ZNF780A: variants seen among roughly 807,000 people sequenced by gnomAD.
The protein encoded by ZNF780A is zinc finger protein 780A.
In ZNF780A, 40 loss-of-function variants were observed where a neutral mutation model predicts 56.7. That is an observed-to-expected ratio of 0.71 (90% CI 0.55 to 0.92). The LOEUF is 0.92. Ranked by LOEUF, ZNF780A falls within the 40% of genes least tolerant of loss-of-function variation. The pLI, the probability that ZNF780A is intolerant of heterozygous loss-of-function variation, is 0.00. For synonymous variants in ZNF780A, 231 were observed against 248.3 expected (o/e 0.93, Z 0.66); for missense variants, 672 against 783.3 (o/e 0.86, Z 1.70).
chr19:40,078,697 A>G (rs1332471125), intron 5 of ZNF780A, among the ~76,000 whole-genome samples: 15 of 152,208 alleles, frequency 9.9e-5, no homozygotes, highest in Admixed American at 9.8e-4. Flanking sequence ...ATTATAAAAC[A>G]TAAATGAAGA....
downstream of ZNF780A, chr19:40,072,809 A>T (rs763003651): frequency 6.8e-7 from 1 of 1,479,850 alleles, no homozygotes; most frequent in Admixed American, 2.7e-5. Context: ...TAGCTTTACT[A>T]AGTGCCACTG....
chr19:40,081,349 A>C (rs1215534702), intron 5 of ZNF780A, among the ~76,000 whole-genome samples: 1 of 152,140 alleles, frequency 6.6e-6, no homozygotes, highest in Non-Finnish European at 1.5e-5. Context: ...CCTGGCCAAC[A>C]TGGTGAAACC....
intron 2 of ZNF780A, among the ~76,000 whole-genome samples, chr19:40,089,945 A>G (rs1975054812): frequency 6.6e-6 from 1 of 152,088 alleles, no homozygotes; most frequent in African/African-American, 2.4e-5. Flanking sequence ...CTTTAATATT[A>G]ACTACTGGAG....
chr19:40,081,463 A>T (rs1412587319), intron 5 of ZNF780A, among the ~76,000 whole-genome samples: 1 of 151,762 alleles, frequency 6.6e-6, no homozygotes, highest in Non-Finnish European at 1.5e-5. Flanking sequence ...AACCCAACAG[A>T]CAGAGGTTGC....
chr19:40,084,396 A>T (rs1854146050), intron 3 of ZNF780A, among the ~76,000 whole-genome samples: 3 of 152,174 alleles, frequency 2.0e-5, no homozygotes, highest in Admixed American at 2.0e-4. Flanking sequence ...TAAAGTTTCA[A>T]AGTGTTCCCA....
rs771227028 is a variant in ZNF780A at position 40,075,128 on chromosome 19, A to G, written c.1314T>C (p.Ile438=). ...ATACAAAAGGTTTCTCATTGGAATG[A>G]ATTTTCTGATGCTGAATAAGGTGTG... ...RGAHLIQHQK[I]HSNEKPFVCR... The change falls in exon 6 of 6, where the codon ATT becomes ATC. Residue 438 remains isoleucine, a synonymous_variant. Coordinates refer to ENST00000683561, the MANE Select transcript of ZNF780A (RefSeq NM_001142578.2). The G allele has an allele frequency of 8.7e-6, 14 of 1,613,730 alleles. No homozygotes were observed. Among genetic ancestry groups the G allele is most frequent in the African/African-American group, 1.3e-5 (1 of 74,812 alleles).
At position 40,073,218 on chromosome 19, in the gene ZNF780A, TTTGACTATTCTTTCA is replaced by T. The variant is rs1435306493; in HGVS notation, c.*1283_*1297del. 4.9e-6 allele frequency: 3 copies of T among 607,980 alleles called. No individual in the cohort carries two copies. The highest frequency in any genetic ancestry group is 6.8e-6 in the Non-Finnish European group (3 of 438,094). The allele number at this position is 607,980 out of a possible 1,614,324, so 37.7% of individuals were successfully genotyped here. On this transcript the variant is annotated 3_prime_UTR_variant, in exon 6 of 6. Coordinates refer to ENST00000683561, the MANE Select transcript of ZNF780A (RefSeq NM_001142578.2). ...CTAGGTTGGGGTATATGATTGTATATTTGACTATTCTTTCAAAACCCACAACAAGTATCAACTAGG... is the reference window on the plus strand; with the variant it reads ...CTAGGTTGGGGTATATGATTGTATATAAACCCACAACAAGTATCAACTAGG...
intron 5 of ZNF780A, among the ~76,000 whole-genome samples, chr19:40,079,397 G>A (rs916481629): frequency 6.6e-6 from 1 of 150,748 alleles, no homozygotes; most frequent in Non-Finnish European, 1.5e-5. Flanking sequence ...AATAATCATT[G>A]GGGATTTCAA....
rs551735451 is a variant in ZNF780A at position 40,084,796 on chromosome 19, C to A, written c.-43G>T. On this transcript the variant is annotated splice_region_variant and 5_prime_UTR_variant, in exon 3 of 6. Coordinates refer to ENST00000683561, the MANE Select transcript of ZNF780A (RefSeq NM_001142578.2). ...ACTGGTCAATCTTCCTCGGGCTTCT[C>A]CCCTGGAAAACAACAACAACAAAAA... 6.4e-7 allele frequency: 1 copy of A among 1,552,676 alleles called. No individual in the cohort carries two copies. Among genetic ancestry groups the A allele is most frequent in the East Asian group, 2.4e-5 (1 of 41,220 alleles).
chr19:40,077,788 C>T (rs747578413), intron 5 of ZNF780A, among the ~76,000 whole-genome samples: 17 of 151,630 alleles, frequency 1.1e-4, no homozygotes, highest in Non-Finnish European at 2.1e-4. Flanking sequence ...CGAAAATGCC[C>T]TATCCAACCC....
intron 5 of ZNF780A, among the ~76,000 whole-genome samples, chr19:40,081,566 A>G (rs1337242945): frequency 2.0e-5 from 3 of 152,056 alleles, no homozygotes; most frequent in Non-Finnish European, 4.4e-5. Flanking sequence ...TGGGAAAAAA[A>G]GAGGGAACTT....
At chr19:40,082,390 A>AT (rs1446438423) in intron 4 of ZNF780A, among the ~76,000 whole-genome samples, 20 of 152,148 alleles carry the variant, frequency 1.3e-4, no homozygotes, top group Non-Finnish European at 2.5e-4. Context: ...ATTGTTTATT[A>AT]TTGTCATTTA....
intron 2 of ZNF780A, chr19:40,089,236 A>T (rs751640355): frequency 3.3e-4 from 466 of 1,413,730 alleles, no homozygotes; most frequent in Non-Finnish European, 3.8e-4. Flanking sequence ...AGCTAGATTT[A>T]GTCATTCCAC....
rs1363500306 is a variant in ZNF780A, at chr19:40,090,200, T to A, written c.-80A>T. The A allele has an allele frequency of 6.6e-6, 1 of 152,158 alleles. No individual in the cohort carries two copies. Among genetic ancestry groups the A allele is most frequent in the African/African-American group, 2.4e-5 (1 of 41,416 alleles). 9.4% of individuals were successfully genotyped at this position (152,158 alleles called of 1,614,324 possible). ...TAGGTGTGCAGCAGTAACGCTCTCA[T>A]CCTCCTCCAGGTCCTTCTTTTGGAT... is the stretch of plus-strand genomic sequence containing the variant. On this transcript the variant is annotated 5_prime_UTR_variant, in exon 2 of 6. The change abolishes an upstream ATG in the 5' untranslated region. Coordinates refer to ENST00000683561, the MANE Select transcript of ZNF780A (RefSeq NM_001142578.2).
intron 5 of ZNF780A, 28 bp downstream of exon 5, chr19:40,081,791 T>TC (rs1568453337): frequency 1.9e-6 from 3 of 1,573,870 alleles, no homozygotes; most frequent in South Asian, 1.1e-5. Flanking sequence ...AATGATGGCT[T>TC]CCCCCCGCCT....
At chr19:40,083,620 C>T (rs554527861) in intron 3 of ZNF780A, among the ~76,000 whole-genome samples, 12 of 147,466 alleles carry the variant, frequency 8.1e-5, no homozygotes, top group African/African-American at 1.3e-4. Context: ...ACTGTGATCA[C>T]GCCACTGCAC....
Position 40,074,591 on chromosome 19 carries a change from T to C in ZNF780A, c.1851A>G (p.Glu617=), listed in dbSNP as rs889670748. The part of the protein sequence containing the change: ...HTGEKPFECK[E]CGKVFSLPTQ... ...TGGGAAGACTAAAAACCTTTCCACA[T>C]TCCTTACATTCAAAGGGTTTCTCAC... Residue 617 remains glutamate, a synonymous_variant, in exon 6 of 6, where the codon GAA becomes GAG. Transcript: ENST00000683561. 1 of 1,614,080 alleles carries C rather than the reference T, an allele frequency of 6.2e-7. No individual in the cohort carries two copies. The highest frequency in any genetic ancestry group is 8.5e-7 in the Non-Finnish European group (1 of 1,179,968).
intron 3 of ZNF780A, among the ~76,000 whole-genome samples, chr19:40,083,592 A>T (rs1974606863): frequency 6.8e-6 from 1 of 148,132 alleles, no homozygotes. Flanking sequence ...TGAGCCCAGG[A>T]GTTCAAGGCT....
Position 40,076,010 on chromosome 19 carries a change from G to C in ZNF780A, c.432C>G (p.Ser144Arg), listed in dbSNP as rs1294468694. Residue 144 changes from serine to arginine, a missense_variant, in exon 6 of 6, where the codon AGC becomes AGG. Coordinates refer to ENST00000683561, the MANE Select transcript of ZNF780A (RefSeq NM_001142578.2). The stretch of plus-strand genomic sequence containing the variant: ...GAGTATGAGTAGGCAGTTTTTCATA[G>C]CTGATCATCTTTTGATTGATATTTC... ...QEGNINQKMI[S>R]YEKLPTHTPH... 3.7e-6 allele frequency: 6 copies of C among 1,613,434 alleles called. No homozygotes were observed. Among genetic ancestry groups the C allele is most frequent in the Non-Finnish European group, 5.1e-6 (6 of 1,179,786 alleles).
Sources: gnomAD v4.1 joint callset for allele counts (sites outside exome capture counted in the v4.1 genomes callset) on GRCh38, gnomAD v4.1.1 for gene constraint, MANE v1.5 for transcripts, NCBI Gene and HGNC (gene_info 2026-07-23, HGNC 2026-07-21) for gene names.